Variants in BBS4 observed in about 807,000 individuals in gnomAD.
The protein encoded by BBS4 is Bardet-Biedl syndrome 4.
In BBS4, 58 loss-of-function variants were observed where a neutral mutation model predicts 71.4. That is an observed-to-expected ratio of 0.81 (90% confidence interval 0.66 to 1.01). The LOEUF is 1.01. BBS4 is among the 50% of genes least tolerant of loss of function. The pLI is 0.00. For synonymous variants in BBS4, 228 were observed against 216.8 expected, an observed-to-expected ratio of 1.05 and a Z score of -0.46; for missense variants, 660 against 607.9, an observed-to-expected ratio of 1.09 and a Z score of -0.90.
At chr15:72,718,633 A>G (rs1355560406) in intron 6 of BBS4, among the ~76,000 whole-genome samples, 1 of 152,218 alleles carries the variant, frequency 6.6e-6, no homozygotes, top group African/African-American at 2.4e-5. Flanking sequence ...CCAGAGTGAA[A>G]CTACAGATGA....
chr15:72,703,166 C>G (rs976980048), intron 2 of BBS4, among the ~76,000 whole-genome samples: 1 of 152,280 alleles, frequency 6.6e-6, no homozygotes, highest in African/African-American at 2.4e-5. Context: ...TCAGCAGTTT[C>G]TGGCTGGATT....
At chr15:72,711,845 C>A (rs186667212) in intron 3 of BBS4, among the ~76,000 whole-genome samples, 3 of 151,800 alleles carry the variant, frequency 2.0e-5, no homozygotes, top group Admixed American at 2.0e-4. Context: ...GATTCTTGTC[C>A]ACGTCTGCTT....
chr15:72,715,225 G>T (rs1412675590), intron 4 of BBS4, 66 bp from the exon 5 acceptor site: 4 of 1,201,598 alleles, frequency 3.3e-6, no homozygotes, highest in Non-Finnish European at 2.4e-6. Flanking sequence ...CAATTTTTCT[G>T]ACCCCAGGCT....
At chr15:72,705,708 C>T (rs1947863138) in intron 2 of BBS4, among the ~76,000 whole-genome samples, 1 of 148,836 alleles carries the variant, frequency 6.7e-6, no homozygotes, top group African/African-American at 2.5e-5. Context: ...CCTCCTAACT[C>T]AGCCTCCTGA....
At chr15:72,691,834 G>A (rs774128329) in intron 1 of BBS4, among the ~76,000 whole-genome samples, 5 of 152,066 alleles carry the variant, frequency 3.3e-5, no homozygotes, top group Non-Finnish European at 4.4e-5. Context: ...GCGGTGCTGC[G>A]CGCCTGTAGT....
At chr15:72,687,899 T>A (rs1339667738) in intron 1 of BBS4, among the ~76,000 whole-genome samples, 3 of 150,890 alleles carry the variant, frequency 2.0e-5, no homozygotes, top group Admixed American at 6.6e-5. Context: ...GCCATTTCAC[T>A]GCAGCCTGGG....
At chr15:72,729,818 G>T in intron 10 of BBS4, 134 bp downstream of exon 10, 1 of 736,974 alleles carries the variant, frequency 1.4e-6, no homozygotes, top group Non-Finnish European at 2.3e-6. Flanking sequence ...ATAAATAAAA[G>T]GTGGCTCTTC....
chr15:72,711,495 A>G (rs767274395), intron 3 of BBS4, among the ~76,000 whole-genome samples: 1 of 152,116 alleles, frequency 6.6e-6, no homozygotes, highest in Non-Finnish European at 1.5e-5. Flanking sequence ...ATCTGTGATA[A>G]TACTTGGAAA....
At chr15:72,693,131 C>G (rs953689803) in intron 1 of BBS4, among the ~76,000 whole-genome samples, 3 of 152,188 alleles carry the variant, frequency 2.0e-5, no homozygotes, top group Admixed American at 6.5e-5. Flanking sequence ...TTACTACCAT[C>G]TATTGCCATC....
intron 3 of BBS4, among the ~76,000 whole-genome samples, chr15:72,711,441 G>A (rs530525897): frequency 6.6e-6 from 1 of 151,980 alleles, no homozygotes; most frequent in African/African-American, 2.4e-5. Flanking sequence ...GAGCCACCGC[G>A]CCTGGCCACC....
chr15:72,724,731 A>T, intron 8 of BBS4, 76 bp downstream of exon 8: 3 of 1,565,200 alleles, frequency 1.9e-6, no homozygotes, highest in Non-Finnish European at 2.6e-6. Flanking sequence ...CAAGCCTAAA[A>T]GAGTGAATAT....
At chr15:72,709,464 T>C (rs1319695313) in intron 2 of BBS4, among the ~76,000 whole-genome samples, 1 of 152,208 alleles carries the variant, frequency 6.6e-6, no homozygotes, top group African/African-American at 2.4e-5. Context: ...GATGAGAAAC[T>C]GATATTACAA....
intron 2 of BBS4, among the ~76,000 whole-genome samples, chr15:72,706,397 A>G (rs1427851901): frequency 6.6e-6 from 1 of 152,072 alleles, no homozygotes; most frequent in South Asian, 2.1e-4. Flanking sequence ...GGACCTCCCA[A>G]AATGCTAGGA....
At chr15:72,686,519 G>T in intron 1 of BBS4, 2 of 1,507,856 alleles carry the variant, frequency 1.3e-6, no homozygotes, top group Non-Finnish European at 1.8e-6. Flanking sequence ...CACCAGTAAT[G>T]GCTCTTACCG....
rs751478452 is a variant in BBS4, at chr15:72,729,696, TG to T, written c.711+13del. On this transcript the variant is annotated intron_variant, in intron 10 of 15. Coordinates refer to ENST00000268057, the MANE Select transcript of BBS4 (RefSeq NM_033028.5). ...CTACCAACTACAAGGTATTACAGGC[TG>T]TGAAGGCTCTGGCCTTCATATAGAC... is the stretch of plus-strand genomic sequence containing the variant. 10 of 1,613,170 alleles carry T rather than the reference TG, an allele frequency of 6.2e-6. No homozygotes were observed. Among genetic ancestry groups the T allele is most frequent in the Non-Finnish European group, 8.5e-6 (10 of 1,179,104 alleles).
chr15:72,728,457 C>T (rs2151041953), intron 9 of BBS4, among the ~76,000 whole-genome samples: 1 of 151,916 alleles, frequency 6.6e-6, no homozygotes, highest in Middle Eastern at 3.4e-3. Context: ...GAGATTGAGT[C>T]ACTGCACTCC....
intron 2 of BBS4, among the ~76,000 whole-genome samples, chr15:72,699,303 G>A (rs2065131343): frequency 1.3e-5 from 2 of 152,108 alleles, no homozygotes; most frequent in African/African-American, 4.8e-5. Flanking sequence ...GGCCAGACTG[G>A]TATCGAGCTC....
At chr15:72,692,662 C>A (rs1404664193) in intron 1 of BBS4, among the ~76,000 whole-genome samples, 4 of 149,448 alleles carry the variant, frequency 2.7e-5, no homozygotes. Context: ...GTGGTCCAAT[C>A]ATGGCTTGCT....
chr15:72,721,637 TTAG>T (rs2065579684), intron 6 of BBS4, among the ~76,000 whole-genome samples: 1 of 152,170 alleles, frequency 6.6e-6, no homozygotes, highest in Non-Finnish European at 1.5e-5. Context: ...AAGCCTGATG[TTAG>T]TAGGTGCTCA....
Sources: allele counts gnomAD v4.1 joint callset (sites outside exome capture counted in the v4.1 genomes callset), GRCh38; gene constraint gnomAD v4.1.1; transcripts MANE v1.5; gene names NCBI Gene and HGNC (gene_info 2026-07-23, HGNC 2026-07-21).